Variants in NUP62 observed in about 807,000 individuals in gnomAD.
NUP62 encodes nuclear pore glycoprotein p62.
For missense variants in NUP62, 647 were observed against 689.4 expected, an observed-to-expected ratio of 0.94 and a Z score of 0.69; for synonymous variants, 305 against 303.4, an observed-to-expected ratio of 1.01 and a Z score of -0.05.
At chr19:49,925,531 C>T (rs1437371709) in intron 2 of NUP62, among the ~76,000 whole-genome samples, 1 of 151,872 alleles carries the variant, frequency 6.6e-6, no homozygotes, top group Non-Finnish European at 1.5e-5. Flanking sequence ...CAAATGGAAG[C>T]ACATTCCATA....
chr19:49,920,608 C>T (rs1319187417), intron 2 of NUP62, among the ~76,000 whole-genome samples: 2 of 152,202 alleles, frequency 1.3e-5, no homozygotes, highest in East Asian at 3.8e-4. Flanking sequence ...GGATAGGCGT[C>T]AGGCTCAGAG....
chr19:49,908,107 A>G lies in NUP62; in HGVS notation c.*132T>C. On this transcript the variant is annotated 3_prime_UTR_variant, in exon 3 of 3. Coordinates refer to ENST00000352066, the MANE Select transcript of NUP62 (RefSeq NM_016553.5). ...GAAAAACGCAAAGCACACAGCGATC[A>G]TGTCAAGGGCAGTCATGTGAAAGAA... 2 of 1,495,458 alleles carry G rather than the reference A, an allele frequency of 1.3e-6. No individual in the cohort carries two copies. The highest frequency in any genetic ancestry group is 1.8e-6 in the Non-Finnish European group (2 of 1,123,946). 92.6% of individuals were successfully genotyped at this position (1,495,458 alleles called of 1,614,324 possible).
At chr19:49,922,856 GC>G in intron 2 of NUP62, among the ~76,000 whole-genome samples, 1 of 152,210 alleles carries the variant, frequency 6.6e-6, no homozygotes, top group African/African-American at 2.4e-5. Context: ...CTGACACAGG[GC>G]CCAAGGTGGT....
Position 49,921,622 on chromosome 19 carries a change from A to G in NUP62, c.-78+6072T>C, listed in dbSNP as rs893371325. Among the ~76,000 whole-genome samples, 4 of 152,216 alleles carry G rather than the reference A, an allele frequency of 2.6e-5. No individual in the cohort carries two copies. Among genetic ancestry groups the G allele is most frequent in the African/African-American group, 9.7e-5 (4 of 41,448 alleles). On this transcript the variant is annotated intron_variant, in intron 2 of 2. Coordinates refer to ENST00000352066, the MANE Select transcript of NUP62 (RefSeq NM_016553.5). This position sits in a 1 kb window ranked among gnomAD's most constrained non-coding sequence, Gnocchi z 5.4. ...AAGGAGTCTGCATCAAACTGGGCTA[A>G]GGCCTGGCGCTCTGATGGCCGCTGA...
In NUP62 at chr19:49,907,830, CCT is replaced by C. The variant is rs1026501227; in HGVS notation, c.*407_*408del. The C allele has an allele frequency of 3.0e-6, 1 of 332,306 alleles. No individual in the cohort carries two copies. The highest frequency in any genetic ancestry group is 2.2e-5 in the African/African-American group (1 of 46,182). The allele number at this position is 332,306 out of a possible 1,614,324, so 20.6% of individuals were successfully genotyped here. Reference sequence around the variant, plus strand: ...AGATTACAGGGGTGAGCCACTGCGCCCTGACTTGGAGGTTCTCTTACATTTGG... The same window carrying C: ...AGATTACAGGGGTGAGCCACTGCGCCGACTTGGAGGTTCTCTTACATTTGG... On this transcript the variant is annotated 3_prime_UTR_variant, in exon 3 of 3. Transcript: ENST00000352066.
rs1240832444 is a variant in NUP62 at position 49,925,959 on chromosome 19, C to CCAG, written c.-78+1732_-78+1734dup. ...GGTACGGTGGCTCACACCTGTAATC[C>CCAG]CAGCACTTTGGGAGGCTGAGGCAGG... On this transcript the variant is annotated intron_variant, in intron 2 of 2. Transcript: ENST00000352066. Among the ~76,000 whole-genome samples the CCAG allele has an allele frequency of 2.6e-5, 4 of 152,064 alleles. No homozygotes were observed. In the East Asian group the frequency reaches 7.7e-4, roughly 29 times the overall value.
intron 2 of NUP62, among the ~76,000 whole-genome samples, chr19:49,917,036 G>A (rs933639411): frequency 2.6e-5 from 4 of 152,264 alleles, no homozygotes; most frequent in African/African-American, 4.8e-5. Flanking sequence ...GACAGGGTGC[G>A]GAGCTGTCTC....
At chr19:49,913,585 C>T (rs1222203933) in intron 2 of NUP62, among the ~76,000 whole-genome samples, 1 of 152,282 alleles carries the variant, frequency 6.6e-6, no homozygotes, top group Non-Finnish European at 1.5e-5. Flanking sequence ...GAACTGAGCA[C>T]TGTCCGCGGG....
chr19:49,927,835 G>A lies in NUP62; in HGVS notation c.-199-20C>T, dbSNP rs1241126396. ...GGGTTTCTGCAACAGAGAAAAGACG[G>A]ACATCCACCTCGGCTGGTGGAGGAG... is the stretch of plus-strand genomic sequence containing the variant. On this transcript the variant is annotated intron_variant, in intron 1 of 2. Transcript: ENST00000352066. 2.6e-5 allele frequency: 4 copies of A among 152,262 alleles called. No individual in the cohort carries two copies. Among genetic ancestry groups the A allele is most frequent in the Non-Finnish European group, 5.9e-5 (4 of 68,074 alleles). 9.4% of individuals were successfully genotyped at this position (152,262 alleles called of 1,614,324 possible).
At chr19:49,927,978 T>A (rs917320186) in intron 1 of NUP62, 163 bp from the exon 2 acceptor site, 2 of 152,154 alleles carry the variant, frequency 1.3e-5, no homozygotes, top group African/African-American at 4.8e-5. Flanking sequence ...AAGGACGGTT[T>A]GAAAGGAAGC....
At chr19:49,910,891 G>A (rs1376693542) in intron 2 of NUP62, among the ~76,000 whole-genome samples, 3 of 152,152 alleles carry the variant, frequency 2.0e-5, no homozygotes, top group African/African-American at 2.4e-5. Context: ...GTGAGAGGGA[G>A]TGCTGAATAG....
intron 2 of NUP62, among the ~76,000 whole-genome samples, chr19:49,922,161 C>T (rs1025696805): frequency 6.6e-5 from 10 of 152,224 alleles, no homozygotes; most frequent in African/African-American, 2.2e-4. Flanking sequence ...TTCTCAGGCT[C>T]TAGGTCAAAT....
At chr19:49,926,465 G>A (rs1369829682) in intron 2 of NUP62, among the ~76,000 whole-genome samples, 1 of 152,262 alleles carries the variant, frequency 6.6e-6, no homozygotes, top group Non-Finnish European at 1.5e-5. Context: ...GGGAAGTGGA[G>A]GTTGAAGTGA....
chr19:49,915,857 T>C (rs573967807), intron 2 of NUP62, among the ~76,000 whole-genome samples: 12 of 152,316 alleles, frequency 7.9e-5, no homozygotes, highest in African/African-American at 1.2e-4. Context: ...CCAGCCACGA[T>C]AGGCCATCTA....
chr19:49,908,437 G>A lies in NUP62; in HGVS notation c.1371C>T (p.His457=). 6.2e-7 allele frequency: 1 copy of A among 1,614,112 alleles called. No individual in the cohort carries two copies. The highest frequency in any genetic ancestry group is 8.5e-7 in the Non-Finnish European group (1 of 1,180,038). ...CGGCGGGGGCCCCGGACGTGTTCAG[G>A]TGCTCGATGATGTCCTTGAGATCCT... ...MAQDLKDIIE[H]LNTSGAPADT... is the part of the protein sequence containing the mutation. The change falls in exon 3 of 3, where the codon CAC becomes CAT. Residue 457 remains histidine, a synonymous_variant. Transcript: ENST00000352066.
chr19:49,914,406 G>C (rs1235583023), intron 2 of NUP62, among the ~76,000 whole-genome samples: 1 of 152,168 alleles, frequency 6.6e-6, no homozygotes, highest in East Asian at 1.9e-4. Flanking sequence ...ACCATCTGTA[G>C]TTCACCCAGG....
In NUP62 at chr19:49,909,612, T is replaced by C. The variant is rs763089401; in HGVS notation, c.196A>G (p.Thr66Ala). ...STGLFSLATQ[T>A]PATQTTGFTF... is the part of the protein sequence containing the mutation. Reference sequence around the variant, plus strand: ...AAGCCTGTCGTCTGTGTGGCCGGAGTCTGGGTGGCAAGTGAGAACAGGCCG... The same window carrying C: ...AAGCCTGTCGTCTGTGTGGCCGGAGCCTGGGTGGCAAGTGAGAACAGGCCG... Residue 66 changes from threonine (T) to alanine (A), a missense_variant, in exon 3 of 3, where the codon ACT becomes GCT. Coordinates refer to ENST00000352066, the MANE Select transcript of NUP62 (RefSeq NM_016553.5). 1 of 1,612,934 alleles carries C rather than the reference T, an allele frequency of 6.2e-7. No individual in the cohort carries two copies. The highest frequency in any genetic ancestry group is 8.5e-7 in the Non-Finnish European group (1 of 1,179,262).
In NUP62 at chr19:49,909,827, G is replaced by A. The variant is rs546057967; in HGVS notation, c.-20C>T. 143 of 1,612,852 alleles carry A rather than the reference G, an allele frequency of 8.9e-5. No individual in the cohort carries two copies. Among genetic ancestry groups the A allele is most frequent in the Non-Finnish European group, 1.1e-4 (134 of 1,179,452 alleles). On this transcript the variant is annotated 5_prime_UTR_variant, in exon 3 of 3. Transcript: ENST00000352066. ...GCTCATGGCTCCGGACTCTGGTGGC[G>A]GCAGCTACTCTGGCTCCCAAAGCAA...
rs954516048 is a variant in NUP62 at position 49,906,941 on chromosome 19, C to T, written c.*1298G>A. On this transcript the variant is annotated 3_prime_UTR_variant, in exon 3 of 3. Coordinates refer to ENST00000352066, the MANE Select transcript of NUP62 (RefSeq NM_016553.5). ...ATGCTTGGGATACAACCGCTAGCTT[C>T]TGCCTTCCACACACAGTGGATTTTA... 4.6e-5 allele frequency: 7 copies of T among 152,710 alleles called. No individual in the cohort carries two copies. The highest frequency in any genetic ancestry group is 7.3e-5 in the Non-Finnish European group (5 of 68,302). The allele number at this position is 152,710 out of a possible 1,614,324, so 9.5% of individuals were successfully genotyped here.
Sources: gnomAD v4.1 joint callset for allele counts (sites outside exome capture counted in the v4.1 genomes callset) on GRCh38, gnomAD v4.1.1 for gene constraint, Gnocchi (gnomAD v3.1) non-coding constraint, MANE v1.5 for transcripts, NCBI Gene and HGNC (gene_info 2026-07-23, HGNC 2026-07-21) for gene names.